Variants in IGFN1 observed in about 807,000 individuals in gnomAD.
IGFN1 encodes immunoglobulin like and fibronectin type III domain containing 1, also known as immunoglobulin-like and fibronectin type III domain-containing protein 1.
A neutral mutation model predicts 289.5 loss-of-function variants in IGFN1; 253 were observed. The ratio of observed to expected loss-of-function variants is 0.87; its 90% confidence interval spans 0.79 to 0.97. The LOEUF (loss-of-function observed/expected upper bound fraction) is 0.97. Ranked by LOEUF, IGFN1 falls within the 50% of genes least tolerant of loss-of-function variation. IGFN1 has a pLI of 0.00. For synonymous variants in IGFN1, 1,706 were observed against 1,788.5 expected, an observed-to-expected ratio of 0.95 and a Z score of 1.16; for missense variants, 4,470 against 4,686.1, an observed-to-expected ratio of 0.95 and a Z score of 1.35.
chr1:201,212,070 T>C lies in IGFN1; in HGVS notation c.7177T>C (p.Trp2393Arg), dbSNP rs1380221933. 2 of 1,536,140 alleles carry C rather than the reference T, an allele frequency of 1.3e-6. No homozygotes were observed. The highest frequency in any genetic ancestry group is 1.7e-6 in the Non-Finnish European group (2 of 1,146,712). Residue 2393 changes from tryptophan (W) to arginine (R), a missense_variant, in exon 12 of 24, where the codon TGG (tryptophan) becomes CGG (arginine). Transcript: ENST00000335211. The stretch of plus-strand genomic sequence containing the variant: ...AGCCATGGGTCACAGGTCAGGATAT[T>C]GGGTAGCATCAGAGGGTGACACGAA... The part of the protein sequence containing the change: ...HKAMGHRSGY[W>R]VASEGDTNSK...
intron 14 of IGFN1, 106 bp downstream of exon 14, chr1:201,215,260 C>A: frequency 8.1e-7 from 1 of 1,235,086 alleles, no homozygotes; most frequent in Non-Finnish European, 1.1e-6. Flanking sequence ...TAGTCTGCAG[C>A]CAGTATCTAA....
At chr1:201,196,087 TTG>T in intron 4 of IGFN1, 109 bp downstream of exon 4, 2 of 1,106,100 alleles carry the variant, frequency 1.8e-6, no homozygotes, top group Non-Finnish European at 2.5e-6. Flanking sequence ...ATACTCCTCG[TTG>T]AGGTTGAATC....
In IGFN1 at chr1:201,214,147, G is replaced by A. The variant is rs773469394; in HGVS notation, c.8729-30G>A. On this transcript the variant is annotated intron_variant, in intron 12 of 23. Transcript: ENST00000335211. ...CGCAGGCCATGGCCTGGGGCGCTCG[G>A]CCCTGGGGATTCCCTCTGTGTCTCT... The A allele has an allele frequency of 8.8e-6, 14 of 1,587,084 alleles. No homozygotes were observed. In the East Asian group the frequency reaches 2.7e-4, roughly 31 times the overall value.
Position 201,215,048 on chromosome 1 carries a change from C to T in IGFN1, c.8889C>T (p.Asp2963=), listed in dbSNP as rs759126204. 9.9e-6 allele frequency: 16 copies of T among 1,613,962 alleles called. No homozygotes were observed. Among genetic ancestry groups the T allele is most frequent in the South Asian group, 3.3e-5 (3 of 91,074 alleles). ...TTQDGVIFKQ[D]GLVHSLFITH... ...AGGATGGAGTCATCTTTAAGCAAGA[C>T]GGTCTCGTGCACAGCCTCTTCATCA... The change falls in exon 14 of 24, where the codon GAC becomes GAT. Residue 2963 remains aspartate (D), a synonymous_variant. Transcript: ENST00000335211.
At chr1:201,199,495 C>T in intron 6 of IGFN1, 114 bp from the exon 7 acceptor site, 3 of 1,406,404 alleles carry the variant, frequency 2.1e-6, no homozygotes, top group Non-Finnish European at 3.0e-6. Context: ...CACCAGTCTT[C>T]AAGAGAGCCC....
chr1:201,221,639 G>T lies in IGFN1; in HGVS notation c.10094G>T (p.Gly3365Val), dbSNP rs199582337. 353 of 1,614,210 alleles carry T rather than the reference G, an allele frequency of 2.2e-4. 1 individual carries two copies. Among genetic ancestry groups the T allele is most frequent in the Non-Finnish European group, 3.6e-5 (42 of 1,180,016 alleles). Reference protein sequence around the residue: ...TVPVTTYTAKGLRPGEGYFVR... With the variant: ...TVPVTTYTAKVLRPGEGYFVR... The stretch of plus-strand genomic sequence containing the variant: ...CCAGTCACCACCTACACGGCCAAGG[G>T]GCTTCGGCCTGGAGAGGGCTACTTC... The change falls in exon 19 of 24, where the codon GGG becomes GTG. Residue 3365 changes from glycine (G) to valine (V), a missense_variant. This residue lies in a region of IGFN1 where 2,218 missense variants were observed against 2,114.1 expected (regional missense o/e 1.05). Coordinates refer to ENST00000335211, the MANE Select transcript of IGFN1 (RefSeq NM_001164586.2).
Position 201,207,211 on chromosome 1 carries a change from C to A in IGFN1, c.2318C>A (p.Thr773Asn). The part of the protein sequence containing the change: ...ESVVTGSAYK[T>N]GPGGPGDPRG... Reference sequence around the variant, plus strand: ...GTAGTTACAGGAAGTGCCTACAAAACTGGCCCTGGAGGCCCAGGAGACCCC... The same window carrying A: ...GTAGTTACAGGAAGTGCCTACAAAAATGGCCCTGGAGGCCCAGGAGACCCC... The change falls in exon 12 of 24, where the codon ACT becomes AAT. Residue 773 changes from threonine to asparagine, a missense_variant. Coordinates refer to ENST00000335211, the MANE Select transcript of IGFN1 (RefSeq NM_001164586.2). 1 of 1,536,834 alleles carries A rather than the reference C, an allele frequency of 6.5e-7. No homozygotes were observed.
Position 201,207,448 on chromosome 1 carries a change from C to T in IGFN1, c.2555C>T (p.Ala852Val), listed in dbSNP as rs955925993. Residue 852 changes from alanine to valine, a missense_variant, in exon 12 of 24, where the codon GCC (alanine) becomes GTC (valine). Around this residue, in one of 8 missense-constraint regions of IGFN1, gnomAD observed 2,011 missense variants for 1,953.4 expected, o/e 1.03. Coordinates refer to ENST00000335211, the MANE Select transcript of IGFN1 (RefSeq NM_001164586.2). ...DTPSSLRKTG[A>V]HHGPGVLGPS... The stretch of plus-strand genomic sequence containing the variant: ...CCATCTAGCCTCAGAAAAACTGGGG[C>T]CCACCATGGGCCTGGAGTGCTGGGG... 8.5e-6 allele frequency: 13 copies of T among 1,528,026 alleles called. No individual in the cohort carries two copies. The African/African-American group carries it at 1.8e-4, about 21-fold the overall frequency. The allele number at this position is 1,528,026 out of a possible 1,614,324, so 94.7% of individuals were successfully genotyped here.
At position 201,207,390 on chromosome 1, in the gene IGFN1, G is replaced by A. The variant is rs1225868524; in HGVS notation, c.2497G>A (p.Glu833Lys). 1.3e-6 allele frequency: 2 copies of A among 1,536,076 alleles called. No homozygotes were observed. The highest frequency in any genetic ancestry group is 1.7e-6 in the Non-Finnish European group (2 of 1,146,396). ...AGCAGCAGGGGGTATTGGCAGAATAGAATCTAAGGGCACAAGTCCTTGGGA... is the reference window on the plus strand; with the variant it reads ...AGCAGCAGGGGGTATTGGCAGAATAAAATCTAAGGGCACAAGTCCTTGGGA... ...HRAAGGIGRI[E>K]SKGTSPWDDT... Residue 833 changes from glutamate to lysine, a missense_variant, in exon 12 of 24, where the codon GAA becomes AAA. Coordinates refer to ENST00000335211, the MANE Select transcript of IGFN1 (RefSeq NM_001164586.2).
chr1:201,195,264 G>A (rs1269617866), intron 3 of IGFN1, among the ~76,000 whole-genome samples: 1 of 151,836 alleles, frequency 6.6e-6, no homozygotes, highest in African/African-American at 2.4e-5. Flanking sequence ...TGATTCTCCT[G>A]CCTCAGCCTC....
chr1:201,207,169 T>C lies in IGFN1; in HGVS notation c.2276T>C (p.Ile759Thr), dbSNP rs1475838956. 6.5e-7 allele frequency: 1 copy of C among 1,536,934 alleles called. No individual in the cohort carries two copies. Among genetic ancestry groups the C allele is most frequent in the Non-Finnish European group, 8.7e-7 (1 of 1,146,836 alleles). Residue 759 changes from isoleucine to threonine, a missense_variant, in exon 12 of 24, where the codon ATA becomes ACA. Physicochemically the swap from Ile to Thr is moderately conservative, Grantham distance 89. Coordinates refer to ENST00000335211, the MANE Select transcript of IGFN1 (RefSeq NM_001164586.2). Reference protein sequence around the residue: ...AEDSLQEADGICRGESVVTGS... With the variant: ...AEDSLQEADGTCRGESVVTGS... Reference sequence around the variant, plus strand: ...GACTCACTGCAGGAGGCAGATGGTATATGCCGGGGGGAGTCTGTAGTTACA... The same window carrying C: ...GACTCACTGCAGGAGGCAGATGGTACATGCCGGGGGGAGTCTGTAGTTACA...
In IGFN1 at chr1:201,208,538, G is replaced by C; in HGVS notation, c.3645G>C (p.Glu1215Asp). ...AYGAGNVLGYEDGSELPGPQG... is the reference protein window; with the variant it reads ...AYGAGNVLGYDDGSELPGPQG... Reference sequence around the variant, plus strand: ...GGGCTGGCAATGTGCTGGGTTATGAGGATGGATCAGAACTTCCAGGGCCTC... The same window carrying C: ...GGGCTGGCAATGTGCTGGGTTATGACGATGGATCAGAACTTCCAGGGCCTC... The change falls in exon 12 of 24, where the codon GAG (glutamate) becomes GAC (aspartate). Residue 1215 changes from glutamate (E) to aspartate (D), a missense_variant. Physicochemically the swap from Glu to Asp is conservative, Grantham distance 45. Around this residue, in one of 8 missense-constraint regions of IGFN1, gnomAD observed 2,011 missense variants for 1,953.4 expected, o/e 1.03. Transcript: ENST00000335211. 1.4e-6 allele frequency: 2 copies of C among 1,461,142 alleles called. No homozygotes were observed. Among genetic ancestry groups the C allele is most frequent in the Middle Eastern group, 3.6e-4 (2 of 5,604 alleles). 90.5% of individuals were successfully genotyped at this position (1,461,142 alleles called of 1,614,324 possible).
In IGFN1 at chr1:201,209,044, T is replaced by C. The variant is rs1392435286; in HGVS notation, c.4151T>C (p.Val1384Ala). ...ACAGATAATAGGAAAGATTTGGGGG[T>C]TCCTGAGGGAATGGGTGCAGGTTAC... ...DETDNRKDLG[V>A]PEGMGAGYRA... The change falls in exon 12 of 24, where the codon GTT becomes GCT. Residue 1384 changes from valine to alanine, a missense_variant. Val to Ala is a moderately conservative substitution (Grantham distance 64, BLOSUM62 0). This residue lies in a region of IGFN1 where 2,011 missense variants were observed against 1,953.4 expected (regional missense o/e 1.03). Coordinates refer to ENST00000335211, the MANE Select transcript of IGFN1 (RefSeq NM_001164586.2). 1 of 1,534,728 alleles carries C rather than the reference T, an allele frequency of 6.5e-7. No individual in the cohort carries two copies. Among genetic ancestry groups the C allele is most frequent in the East Asian group, 2.5e-5 (1 of 40,778 alleles).
At position 201,197,243 on chromosome 1, in the gene IGFN1, C is replaced by T. The variant is rs538598215; in HGVS notation, c.293C>T (p.Thr98Met). The T allele has an allele frequency of 1.7e-5, 26 of 1,550,794 alleles. No individual in the cohort carries two copies. In the Admixed American group the frequency reaches 2.0e-4, roughly 12 times the overall value. The change falls in exon 5 of 24, where the codon ACG becomes ATG. Residue 98 changes from threonine (T) to methionine (M), a missense_variant. Around this residue, in one of 8 missense-constraint regions of IGFN1, gnomAD observed 2,011 missense variants for 1,953.4 expected, o/e 1.03. Coordinates refer to ENST00000335211, the MANE Select transcript of IGFN1 (RefSeq NM_001164586.2). ...LQINKLTGED[T>M]DLYRCTAVNA... ...ATCAACAAGCTGACAGGCGAGGACA[C>T]GGATCTGTACCGCTGCACAGCAGTA...
At position 201,207,138 on chromosome 1, in the gene IGFN1, G is replaced by A; in HGVS notation, c.2245G>A (p.Ala749Thr). The stretch of plus-strand genomic sequence containing the variant: ...GGGAGATGGGAGTCCTGAGATCAAA[G>A]CTGAAGACTCACTGCAGGAGGCAGA... Reference protein sequence around the residue: ...LLGDGSPEIKAEDSLQEADGI... With the variant: ...LLGDGSPEIKTEDSLQEADGI... Residue 749 changes from alanine (A) to threonine (T), a missense_variant, in exon 12 of 24, where the codon GCT becomes ACT. Physicochemically the swap from Ala to Thr is moderately conservative, Grantham distance 58. Transcript: ENST00000335211. The A allele has an allele frequency of 2.6e-6, 4 of 1,537,022 alleles. No homozygotes were observed. The highest frequency in any genetic ancestry group is 3.5e-6 in the Non-Finnish European group (4 of 1,146,866).
chr1:201,207,007 A>G lies in IGFN1; in HGVS notation c.2114A>G (p.Tyr705Cys), dbSNP rs1274309247. Residue 705 changes from tyrosine (Y) to cysteine (C), a missense_variant, in exon 12 of 24, where the codon TAT becomes TGT. Physicochemically the swap from Tyr to Cys is radical, Grantham distance 194. Around this residue, in one of 8 missense-constraint regions of IGFN1, gnomAD observed 2,011 missense variants for 1,953.4 expected, o/e 1.03. Coordinates refer to ENST00000335211, the MANE Select transcript of IGFN1 (RefSeq NM_001164586.2). ...TCTCAGGGAGGTAGAGATGCTGACT[A>G]TGGGGAAGCCAGGGGCTACTGGGGG... ...WGSQGGRDAD[Y>C]GEARGYWGSG... 2.6e-6 allele frequency: 4 copies of G among 1,536,450 alleles called. No homozygotes were observed. The highest frequency in any genetic ancestry group is 3.5e-6 in the Non-Finnish European group (4 of 1,146,664).
Position 201,201,818 on chromosome 1 carries a change from A to G in IGFN1, c.733A>G (p.Ile245Val). 2.3e-6 allele frequency: 3 copies of G among 1,299,894 alleles called. No individual in the cohort carries two copies. The highest frequency in any genetic ancestry group is 3.2e-6 in the Non-Finnish European group (3 of 939,484). The allele number at this position is 1,299,894 out of a possible 1,614,324, so 80.5% of individuals were successfully genotyped here. The change falls in exon 9 of 24, where the codon ATT becomes GTT. Residue 245 changes from isoleucine to valine, a missense_variant. Around this residue, in one of 8 missense-constraint regions of IGFN1, gnomAD observed 2,011 missense variants for 1,953.4 expected, o/e 1.03. Coordinates refer to ENST00000335211, the MANE Select transcript of IGFN1 (RefSeq NM_001164586.2). ...GGATCTCAAGGATTCTCAGAGCAAGATTTACCTGTATAAGGTGAGGCTGGA... is the reference window on the plus strand; with the variant it reads ...GGATCTCAAGGATTCTCAGAGCAAGGTTTACCTGTATAAGGTGAGGCTGGA... The part of the protein sequence containing the change: ...ELDLKDSQSK[I>V]YLYKDGEMIP...
At chr1:201,193,514 C>T (rs1462709057) in intron 2 of IGFN1, among the ~76,000 whole-genome samples, 4 of 152,052 alleles carry the variant, frequency 2.6e-5, no homozygotes, top group Admixed American at 6.6e-5. Context: ...TACAGTGACG[C>T]GATCTCAGCT....
chr1:201,205,392 G>A lies in IGFN1; in HGVS notation c.1189+38G>A, dbSNP rs571625451. The A allele has an allele frequency of 4.7e-6, 7 of 1,494,508 alleles. No individual in the cohort carries two copies. The East Asian group carries it at 1.2e-4, about 26-fold the overall frequency. The allele number at this position is 1,494,508 out of a possible 1,614,324, so 92.6% of individuals were successfully genotyped here. A position where few individuals can be genotyped will look rare whatever the true frequency, so the allele number is the denominator to read the frequency against. ...AAACTCTGTCTTTCTCTGCCTCCAG[G>A]GAAGACCTTGGGGCTGCGGAGGCAT... On this transcript the variant is annotated intron_variant, in intron 11 of 23. Coordinates refer to ENST00000335211, the MANE Select transcript of IGFN1 (RefSeq NM_001164586.2).
Sources: gnomAD v4.1 joint callset for allele counts (sites outside exome capture counted in the v4.1 genomes callset) on GRCh38, gnomAD v4.1.1 for gene constraint, gnomAD v4.1.1 regional missense constraint, MANE v1.5 for transcripts, NCBI Gene and HGNC (gene_info 2026-07-23, HGNC 2026-07-21) for gene names.